The following KLRG2 variants were observed in gnomAD, a reference collection of about 807,000 sequenced individuals.
KLRG2 encodes the protein killer cell lectin like receptor G2.
Under a neutral mutation model 35.4 loss-of-function variants are expected in KLRG2, and 39 were observed. The ratio of observed to expected loss-of-function variants is 1.10; its 90% CI spans 0.85 to 1.44. KLRG2 has a LOEUF of 1.44. Among genes scored for constraint, KLRG2 ranks in the 40% most tolerant of loss-of-function variants. KLRG2 has a pLI of 0.00. For missense variants in KLRG2, 632 were observed against 570.9 expected (o/e 1.11, Z -1.09); for synonymous variants, 283 against 265.8 (o/e 1.06, Z -0.63).
chr7:139,483,003 C>G lies in KLRG2; in HGVS notation c.640G>C (p.Gly214Arg). ...SPAEGSAGSP[G>R]SPTCCRCKEL... ...TTGCAGCGGCAGCACGTGGGGGAGC[C>G]CGGGGAGCCGGCGCTTCCTTCCGCG... is the stretch of plus-strand genomic sequence containing the variant. Residue 214 changes from glycine to arginine, a missense_variant, in exon 1 of 5, where the codon GGC becomes CGC. Gly to Arg is a moderately radical substitution (Grantham distance 125). Coordinates refer to ENST00000340940, the MANE Select transcript of KLRG2 (RefSeq NM_198508.4). 7.3e-7 allele frequency: 1 copy of G among 1,377,638 alleles called. No individual in the cohort carries two copies. Among genetic ancestry groups the G allele is most frequent in the Non-Finnish European group, 9.3e-7 (1 of 1,073,738 alleles). The allele number at this position is 1,377,638 out of a possible 1,614,324, so 85.3% of individuals were successfully genotyped here. A position where few individuals can be genotyped will look rare whatever the true frequency, so the allele number is the denominator to read the frequency against.
At chr7:139,442,428 T>A in the KLRG2 span, among the ~76,000 whole-genome samples, 11 of 152,284 alleles carry the variant, frequency 7.2e-5, no homozygotes, top group Middle Eastern at 3.4e-3. Context: ...AGATGACTGA[T>A]AGGCCAGGCA....
At chr7:139,445,781 G>GTGTATATA in the KLRG2 span, among the ~76,000 whole-genome samples, 530 of 97,998 alleles carry the variant, frequency 5.4e-3, 39 homozygotes, top group African/African-American at 0.023. Flanking sequence ...ATATATATAT[G>GTGTATATA]TATATATATA....
At chr7:139,429,788 C>G in the KLRG2 span, among the ~76,000 whole-genome samples, 7 of 152,318 alleles carry the variant, frequency 4.6e-5, no homozygotes, top group South Asian at 1.5e-3. Context: ...ACAGACACGG[C>G]AACCATTCGA....
At chr7:139,475,313 C>T (rs894569434) in intron 3 of KLRG2, among the ~76,000 whole-genome samples, 7 of 152,082 alleles carry the variant, frequency 4.6e-5, no homozygotes, top group Admixed American at 1.3e-4. Flanking sequence ...AGGCGGATCA[C>T]GAGGTCAGGA....
At chr7:139,472,426 A>G (rs1023720418) in intron 3 of KLRG2, among the ~76,000 whole-genome samples, 3 of 152,110 alleles carry the variant, frequency 2.0e-5, no homozygotes, top group Non-Finnish European at 4.4e-5. Context: ...TTTTTAAAAA[A>G]TAGAAAGAAA....
intron 3 of KLRG2, among the ~76,000 whole-genome samples, chr7:139,476,253 G>T (rs1414604255): frequency 6.6e-6 from 1 of 152,106 alleles, no homozygotes; most frequent in Non-Finnish European, 1.5e-5. Flanking sequence ...GGAGACTGAG[G>T]TGAAACCAAC....
chr7:139,435,535 A>G, the KLRG2 span, among the ~76,000 whole-genome samples: 1 of 152,204 alleles, frequency 6.6e-6, no homozygotes, highest in African/African-American at 2.4e-5. Flanking sequence ...TGACAAATGT[A>G]TCCCACCACT....
intron 3 of KLRG2, among the ~76,000 whole-genome samples, chr7:139,457,885 G>C (rs1796503739): frequency 6.6e-6 from 1 of 152,086 alleles, no homozygotes; most frequent in Non-Finnish European, 1.5e-5. Context: ...GAACTACTAA[G>C]TAATTTATGG....
downstream of KLRG2, among the ~76,000 whole-genome samples, chr7:139,451,687 A>C (rs1796379074): frequency 6.6e-6 from 1 of 152,042 alleles, no homozygotes; most frequent in Admixed American, 6.6e-5. Context: ...CTTTGGAGTC[A>C]GATAGCAAGT....
the KLRG2 span, among the ~76,000 whole-genome samples, chr7:139,445,993 G>A: frequency 6.6e-6 from 1 of 151,070 alleles, no homozygotes; most frequent in African/African-American, 2.5e-5. Flanking sequence ...CACCACACCC[G>A]GCTAATGTTT....
At chr7:139,445,793 G>A in the KLRG2 span, among the ~76,000 whole-genome samples, 3,851 of 90,098 alleles carry the variant, frequency 0.043, 529 homozygotes, top group African/African-American at 0.21. Flanking sequence ...ATATATATAT[G>A]TGTGTATATA....
the KLRG2 span, among the ~76,000 whole-genome samples, chr7:139,430,434 A>G: frequency 6.6e-6 from 1 of 152,058 alleles, no homozygotes; most frequent in African/African-American, 2.4e-5. Flanking sequence ...ATGAGATCCC[A>G]TTACACATCC....
chr7:139,461,202 G>A (rs1474338630), intron 3 of KLRG2, among the ~76,000 whole-genome samples: 3 of 149,060 alleles, frequency 2.0e-5, no homozygotes, highest in Non-Finnish European at 3.0e-5. Context: ...AGCTGAGATC[G>A]CACCACTGCA....
intron 3 of KLRG2, among the ~76,000 whole-genome samples, chr7:139,458,835 T>C (rs973207393): frequency 2.6e-5 from 4 of 152,218 alleles, no homozygotes; most frequent in African/African-American, 9.6e-5. Context: ...AACAGGCTTC[T>C]GGGAAGATGA....
intron 4 of KLRG2, 91 bp from the exon 5 acceptor site, chr7:139,453,798 C>T: frequency 6.8e-7 from 1 of 1,474,302 alleles, no homozygotes. Flanking sequence ...GTGCCTGTCA[C>T]CTCTACCGGC....
chr7:139,454,813 A>G (rs1796432637), intron 3 of KLRG2, among the ~76,000 whole-genome samples: 2 of 137,922 alleles, frequency 1.5e-5, no homozygotes, highest in Non-Finnish European at 3.1e-5. Flanking sequence ...GGGAAATTCT[A>G]TCTCAAAATA....
chr7:139,443,094 C>CTTTTT, the KLRG2 span, among the ~76,000 whole-genome samples: 788 of 120,500 alleles, frequency 6.5e-3, 38 homozygotes, highest in East Asian at 0.031. Flanking sequence ...GGAAAAAAAA[C>CTTTTT]TTTTTTTTTT....
At chr7:139,454,282 C>T in intron 3 of KLRG2, 68 bp from the exon 4 acceptor site, 1 of 762,238 alleles carries the variant, frequency 1.3e-6, no homozygotes, top group Non-Finnish European at 2.2e-6. Flanking sequence ...CGTACGGATT[C>T]CCTGGGGCTT....
the KLRG2 span, among the ~76,000 whole-genome samples, chr7:139,441,010 G>A: frequency 1.3e-5 from 2 of 152,304 alleles, no homozygotes; most frequent in Admixed American, 1.3e-4. Flanking sequence ...TTGGGAGGCC[G>A]AGGTGGGCAG....
Sources: gnomAD v4.1 joint callset for allele counts (sites outside exome capture counted in the v4.1 genomes callset) on GRCh38, gnomAD v4.1.1 for gene constraint, MANE v1.5 for transcripts, NCBI Gene and HGNC (gene_info 2026-07-23, HGNC 2026-07-21) for gene names.